Variants in ASPG observed in about 807,000 individuals in gnomAD.
The protein encoded by ASPG is asparaginase.
ASPG carries 53 observed loss-of-function variants against 63.2 expected under a neutral mutation model. That is an observed-to-expected ratio of 0.84 (90% confidence interval 0.67 to 1.05). The LOEUF is 1.05. Ranked by LOEUF, ASPG falls within the 50% of genes least tolerant of loss-of-function variation. ASPG has a pLI of 0.00. For synonymous variants in ASPG, 370 were observed against 355.0 expected (o/e 1.04, Z -0.48); for missense variants, 741 against 794.4 (o/e 0.93, Z 0.81).
In ASPG at chr14:104,115,377, T is replaced by C. The variant is rs2037446371; in HGVS notation, c.*2833T>C. ...CCTGGGCGAGGGGAGCCCATCCAAG[T>C]GGCTGTGCGTCGGGAAGAGTCTGCC... On this transcript the variant is annotated 3_prime_UTR_variant, in exon 16 of 16. Coordinates refer to ENST00000551177, the MANE Select transcript of ASPG (RefSeq NM_001080464.3). The C allele has an allele frequency of 6.6e-6, 1 of 152,188 alleles. No homozygotes were observed. Among genetic ancestry groups the C allele is most frequent in the African/African-American group, 2.4e-5 (1 of 41,450 alleles). 9.4% of individuals were successfully genotyped at this position (152,188 alleles called of 1,614,324 possible). A position where few individuals can be genotyped will look rare whatever the true frequency, so the allele number is the denominator to read the frequency against.
chr14:104,105,242 G>A, intron 9 of ASPG, 86 bp from the exon 10 acceptor site: 2 of 1,600,392 alleles, frequency 1.2e-6, no homozygotes, highest in Non-Finnish European at 1.7e-6. Context: ...ACCCCTGACT[G>A]TGCCCGGGTA....
intron 1 of ASPG, among the ~76,000 whole-genome samples, chr14:104,087,687 G>A (rs917937752): frequency 1.3e-5 from 2 of 152,230 alleles, no homozygotes; most frequent in African/African-American, 2.4e-5. Context: ...CAGGCTTGGA[G>A]TGTGGCCAAC....
chr14:104,104,409 A>G lies in ASPG; in HGVS notation c.859A>G (p.Thr287Ala), dbSNP rs1161325954. Residue 287 changes from threonine (T) to alanine (A), a missense_variant, in exon 8 of 16, where the codon ACC becomes GCC. Thr to Ala is a moderately conservative substitution (Grantham distance 58). Coordinates refer to ENST00000551177, the MANE Select transcript of ASPG (RefSeq NM_001080464.3). ...CCTGCTGCAGGAGCTGCGGGTGGCC[A>G]CCGAGCGCGGCCTGGTCATCGTCAA... ...PDLLQELRVA[T>A]ERGLVIVNCT... The G allele has an allele frequency of 6.2e-7, 1 of 1,612,444 alleles. No individual in the cohort carries two copies. The highest frequency in any genetic ancestry group is 1.7e-5 in the Admixed American group (1 of 59,984).
intron 10 of ASPG, among the ~76,000 whole-genome samples, chr14:104,106,501 T>C (rs1265327189): frequency 6.6e-6 from 1 of 151,462 alleles, no homozygotes; most frequent in Non-Finnish European, 1.5e-5. Flanking sequence ...CGGGGGAGTC[T>C]GGGAGGGTGG....
At chr14:104,093,128 GGGGGTGAGCTGGGAGT>G in intron 2 of ASPG, 2 of 484,424 alleles carry the variant, frequency 4.1e-6, no homozygotes, top group Non-Finnish European at 7.5e-6. Context: ...CCCCACAGCT[GGGGGTGAGCTGGGAGT>G]TGCCCTCGTG....
At chr14:104,097,494 C>A in intron 4 of ASPG, 60 bp from the exon 5 acceptor site, 3 of 1,488,664 alleles carry the variant, frequency 2.0e-6, no homozygotes, top group Non-Finnish European at 2.7e-6. Context: ...GAGAGATGAG[C>A]CAGACATCCC....
intron 4 of ASPG, 120 bp downstream of exon 4, chr14:104,095,776 G>A: frequency 1.5e-6 from 2 of 1,347,386 alleles, no homozygotes; most frequent in Non-Finnish European, 2.0e-6. Flanking sequence ...CAGCTCCTGA[G>A]GTGGCTGCTG....
rs1162363040 is a variant in ASPG at position 104,113,067 on chromosome 14, T to G, written c.*523T>G. ...TGAGCATGCTGCCCCTGCTTAACTCTTTAGTCCTCACAGTCCCGTCCCAGT... is the reference window on the plus strand; with the variant it reads ...TGAGCATGCTGCCCCTGCTTAACTCGTTAGTCCTCACAGTCCCGTCCCAGT... On this transcript the variant is annotated 3_prime_UTR_variant, in exon 16 of 16. Transcript: ENST00000551177. 2.3e-5 allele frequency: 5 copies of G among 213,866 alleles called. No individual in the cohort carries two copies. The highest frequency in any genetic ancestry group is 3.8e-5 in the Non-Finnish European group (4 of 105,446). 13.2% of individuals were successfully genotyped at this position (213,866 alleles called of 1,614,324 possible).
At chr14:104,097,472 G>T in intron 4 of ASPG, 82 bp from the exon 5 acceptor site, 2 of 1,382,414 alleles carry the variant, frequency 1.4e-6, no homozygotes, top group Admixed American at 2.2e-5. Flanking sequence ...GCTGGGCCTG[G>T]GGGTTTACCT....
At position 104,105,417 on chromosome 14, in the gene ASPG, G is replaced by C. The variant is rs375752823; in HGVS notation, c.1140G>C (p.Gly380=). Residue 380 remains glycine, a synonymous_variant, in exon 10 of 16, where the codon GGG becomes GGC. Transcript: ENST00000551177. ...TGCAGGGCAACACGCTGGGCGGTGG[G>C]GTCTCCTGGCTCCTCAGTCTGAGCG... ...PSLQGNTLGG[G]VSWLLSLSGS... 6.2e-7 allele frequency: 1 copy of C among 1,609,692 alleles called. No homozygotes were observed. Among genetic ancestry groups the C allele is most frequent in the Non-Finnish European group, 8.5e-7 (1 of 1,178,516 alleles).
chr14:104,109,986 G>A lies in ASPG; in HGVS notation c.1520+671G>A. 2.0e-6 allele frequency: 2 copies of A among 985,326 alleles called. No individual in the cohort carries two copies. Among genetic ancestry groups the A allele is most frequent in the Non-Finnish European group, 2.4e-6 (2 of 829,892 alleles). The allele number at this position is 985,326 out of a possible 1,614,324, so 61.0% of individuals were successfully genotyped here. ...TCGGTTGTGGGTGGAGGTGGGCCAG[G>A]GATGCAGGGATCCTCCTCTGTCCGC... On this transcript the variant is annotated intron_variant, in intron 13 of 15. Transcript: ENST00000551177. The surrounding 1 kb of genome is among the most constrained non-coding windows in gnomAD (Gnocchi z 4.8).
In ASPG at chr14:104,106,858, C is replaced by T. The variant is rs371626868; in HGVS notation, c.1233C>T (p.Ala411=). The T allele has an allele frequency of 1.5e-4, 241 of 1,597,338 alleles. No homozygotes were observed. In the African/African-American group the frequency reaches 2.2e-3, roughly 15 times the overall value. Residue 411 remains alanine, a synonymous_variant, in exon 11 of 16, where the codon GCC becomes GCT. Coordinates refer to ENST00000551177, the MANE Select transcript of ASPG (RefSeq NM_001080464.3). ...GCCTGGCCTGTGCTGCTGCCCACGCCGGTGACGTGGAGGCGCTGCAGGCGC... is the reference window on the plus strand; with the variant it reads ...GCCTGGCCTGTGCTGCTGCCCACGCTGGTGACGTGGAGGCGCTGCAGGCGC... The part of the protein sequence containing the change: ...VPSLACAAAH[A]GDVEALQALV...
chr14:104,093,529 T>C lies in ASPG; in HGVS notation c.230T>C (p.Leu77Pro). ...AACCAGAGGATTCTCTACACCGTGC[T>C]GGAGTGCCAGCCCCTCTTCGACTCC... ...SRNQRILYTV[L>P]ECQPLFDSSD... The change falls in exon 3 of 16, where the codon CTG (leucine) becomes CCG (proline). Residue 77 changes from leucine to proline, a missense_variant. Physicochemically the swap from Leu to Pro is moderately conservative, Grantham distance 98. Coordinates refer to ENST00000551177, the MANE Select transcript of ASPG (RefSeq NM_001080464.3). 1 of 1,612,842 alleles carries C rather than the reference T, an allele frequency of 6.2e-7. No individual in the cohort carries two copies. Among genetic ancestry groups the C allele is most frequent in the Non-Finnish European group, 8.5e-7 (1 of 1,179,848 alleles).
At chr14:104,086,285 G>A (rs1351574410) in intron 1 of ASPG, among the ~76,000 whole-genome samples, 2 of 152,172 alleles carry the variant, frequency 1.3e-5, no homozygotes, top group African/African-American at 4.8e-5. Flanking sequence ...CCAGGAGGGT[G>A]TCCCCGTCCC....
rs1466535520 is a variant in ASPG at position 104,110,109 on chromosome 14, C to G, written c.1520+794C>G. The G allele has an allele frequency of 1.0e-6, 1 of 985,198 alleles. No individual in the cohort carries two copies. The highest frequency in any genetic ancestry group is 1.2e-6 in the Non-Finnish European group (1 of 829,912). 61.0% of individuals were successfully genotyped at this position (985,198 alleles called of 1,614,324 possible). A position where few individuals can be genotyped will look rare whatever the true frequency, so the allele number is the denominator to read the frequency against. On this transcript the variant is annotated intron_variant, in intron 13 of 15. Coordinates refer to ENST00000551177, the MANE Select transcript of ASPG (RefSeq NM_001080464.3). The surrounding 1 kb of genome is among the most constrained non-coding windows in gnomAD (Gnocchi z 4.7). ...TGGGCTGCCCGAGGCCAGGACGACT[C>G]CGAGGGACCCAAAAAGGAGAGTCGG...
chr14:104,097,708 C>A lies in ASPG; in HGVS notation c.513+71C>A. Reference sequence around the variant, plus strand: ...AGGAGCCCAGACAGCAGCCAGGAAACAAAGTCCCCCCAGCCCCTCCCCAGA... The same window carrying A: ...AGGAGCCCAGACAGCAGCCAGGAAAAAAAGTCCCCCCAGCCCCTCCCCAGA... On this transcript the variant is annotated intron_variant, in intron 5 of 15. Transcript: ENST00000551177. 8.4e-6 allele frequency: 12 copies of A among 1,434,674 alleles called. No individual in the cohort carries two copies. The South Asian group carries it at 1.5e-4, about 18-fold the overall frequency. The allele number at this position is 1,434,674 out of a possible 1,614,324, so 88.9% of individuals were successfully genotyped here.
chr14:104,100,734 A>G (rs941238778), intron 6 of ASPG, among the ~76,000 whole-genome samples: 4 of 152,214 alleles, frequency 2.6e-5, no homozygotes, highest in African/African-American at 9.6e-5. Flanking sequence ...GGGCCAGGGC[A>G]GCCCTCAAGG....
chr14:104,096,967 G>A (rs1295957724), intron 4 of ASPG, among the ~76,000 whole-genome samples: 5 of 152,222 alleles, frequency 3.3e-5, no homozygotes, highest in Admixed American at 6.5e-5. Context: ...TAGCACAGTC[G>A]CCCATGCTAG....
chr14:104,107,818 G>A (rs1475512316), intron 12 of ASPG, among the ~76,000 whole-genome samples: 3 of 152,338 alleles, frequency 2.0e-5, no homozygotes, highest in Admixed American at 6.5e-5. Context: ...GTGCCCCTGC[G>A]TGGGGGGCGG....
Sources: gnomAD v4.1 joint callset for allele counts (sites outside exome capture counted in the v4.1 genomes callset) on GRCh38, gnomAD v4.1.1 for gene constraint, Gnocchi (gnomAD v3.1) non-coding constraint, MANE v1.5 for transcripts, NCBI Gene and HGNC (gene_info 2026-07-23, HGNC 2026-07-21) for gene names.